ERI2: variants seen among roughly 807,000 people sequenced by gnomAD.
ERI2 encodes the protein ERI1 exoribonuclease 2.
A neutral mutation model predicts 46.8 loss-of-function variants in ERI2; 35 were observed. The observed-to-expected ratio is 0.75, with a 90% CI of 0.57 to 0.99. ERI2 has a LOEUF of 0.99. Among genes scored for constraint, ERI2 ranks in the 50% least tolerant of loss-of-function variants. The pLI is 0.00. For missense variants in ERI2, 695 were observed against 796.2 expected (o/e 0.87, Z 1.53); for synonymous variants, 224 against 271.0 (o/e 0.83, Z 1.70).
rs779973608 is a variant in ERI2 at position 20,781,724 on chromosome 16, C to T, written c.895-990G>A. On this transcript the variant is annotated intron_variant, in intron 10 of 10. Coordinates refer to the ERI2 transcript ENST00000300005. ...AAATTGCAGACACTCTCCAAGTACC[C>T]CATCACAGTCTTCTGTTCAGCACCA... The T allele has an allele frequency of 3.7e-6, 6 of 1,613,002 alleles. No homozygotes were observed. In the East Asian group the frequency reaches 1.3e-4, roughly 36 times the overall value.
rs951169710 is a variant in ERI2 at position 20,798,078 on chromosome 16, T to G, written c.1722A>C (p.Pro574=). 33 of 1,551,444 alleles carry G rather than the reference T, an allele frequency of 2.1e-5. No individual in the cohort carries two copies. Among genetic ancestry groups the G allele is most frequent in the Non-Finnish European group, 2.8e-5 (32 of 1,146,914 alleles). ...PVRSSSWRRL[P]SILTSTVNLQ... ...GGTTAACTGTAGAAGTTAATATAGATGGGAGACGCCTCCAGGAAGAACTTC... is the reference window on the plus strand; with the variant it reads ...GGTTAACTGTAGAAGTTAATATAGAGGGGAGACGCCTCCAGGAAGAACTTC... The change falls in exon 9 of 9, where the codon CCA becomes CCC. Residue 574 remains proline, a synonymous_variant. Coordinates refer to ENST00000357967, the MANE Select transcript of ERI2 (RefSeq NM_001142725.2).
rs763112006 is a variant in ERI2, at chr16:20,801,290, G to C, written c.373C>G (p.Gln125Glu). ...GCAAAAATAATGTTCTTCTGTTGCTGAATCTTATGAATCCATTTACAGAAC... is the reference window on the plus strand; with the variant it reads ...GCAAAAATAATGTTCTTCTGTTGCTCAATCTTATGAATCCATTTACAGAAC... ...SQFCKWIHKI[Q>E]QQKNIIFATG... The change falls in exon 5 of 9, where the codon CAG becomes GAG. Residue 125 changes from glutamine (Q) to glutamate (E), a missense_variant. Physicochemically the swap from Gln to Glu is conservative, Grantham distance 29. Transcript: ENST00000357967. 7 of 1,612,472 alleles carry C rather than the reference G, an allele frequency of 4.3e-6. No individual in the cohort carries two copies. The Admixed American group carries it at 1.2e-4, about 27-fold the overall frequency.
At position 20,797,874 on chromosome 16, in the gene ERI2, T is replaced by C. The variant is rs530275571; in HGVS notation, c.1926A>G (p.Thr642=). Reference sequence around the variant, plus strand: ...TGCTGTTGGCTCTTTCCTTTTGAAGTGTTTGTTCCCATTTGAAATAACCAC... The same window carrying C: ...TGCTGTTGGCTCTTTCCTTTTGAAGCGTTTGTTCCCATTTGAAATAACCAC... The part of the protein sequence containing the change: ...KCCGYFKWEQ[T]LQKERANSMV... Residue 642 remains threonine, a synonymous_variant, in exon 9 of 9, where the codon ACA becomes ACG. Transcript: ENST00000357967. 69 of 1,551,632 alleles carry C rather than the reference T, an allele frequency of 4.4e-5. No homozygotes were observed. The East Asian group carries it at 1.6e-3, about 37-fold the overall frequency.
chr16:20,795,199 T>C (rs2080696370), downstream of ERI2, among the ~76,000 whole-genome samples: 1 of 152,214 alleles, frequency 6.6e-6, no homozygotes, highest in Non-Finnish European at 1.5e-5. Context: ...GTTGTTTTTT[T>C]TCTTAGAGAC....
downstream of ERI2, among the ~76,000 whole-genome samples, chr16:20,795,306 C>T (rs1567367100): frequency 6.6e-6 from 1 of 152,208 alleles, no homozygotes; most frequent in Non-Finnish European, 1.5e-5. Flanking sequence ...AGGCGTGACC[C>T]ACTGTGCCTG....
chr16:20,804,493 C>T (rs1006057630), intron 1 of ERI2, among the ~76,000 whole-genome samples: 4 of 151,826 alleles, frequency 2.6e-5, no homozygotes, highest in East Asian at 3.9e-4. Context: ...GGTGAAACCC[C>T]GTCTCTACAA....
chr16:20,797,612 T>G lies in ERI2; in HGVS notation c.*112A>C. On this transcript the variant is annotated 3_prime_UTR_variant, in exon 9 of 9. Transcript: ENST00000357967. ...CTTGTGGTTCCTGAAGAAAGTATGG[T>G]AAATGCAGTAAACATTAATATATAA... 1 of 1,334,474 alleles carries G rather than the reference T, an allele frequency of 7.5e-7. No individual in the cohort carries two copies. Among genetic ancestry groups the G allele is most frequent in the Non-Finnish European group, 9.6e-7 (1 of 1,044,558 alleles). The allele number at this position is 1,334,474 out of a possible 1,614,324, so 82.7% of individuals were successfully genotyped here. A position where few individuals can be genotyped will look rare whatever the true frequency, so the allele number is the denominator to read the frequency against.
Position 20,803,430 on chromosome 16 carries a change from T to C in ERI2, c.175+3A>G, listed in dbSNP as rs751313339. Reference sequence around the variant, plus strand: ...GCTTTGGCCATTCGTAGCCCAGACTTACTTATTTCCTGGCTATGGTGGTGC... The same window carrying C: ...GCTTTGGCCATTCGTAGCCCAGACTCACTTATTTCCTGGCTATGGTGGTGC... On this transcript the variant is annotated splice_donor_region_variant and intron_variant, in intron 3 of 8. Transcript: ENST00000357967. The C allele has an allele frequency of 2.5e-6, 4 of 1,613,228 alleles. No homozygotes were observed. The Admixed American group carries it at 6.7e-5, about 27-fold the overall frequency.
chr16:20,799,639 T>A (rs1259672264), intron 7 of ERI2: 1 of 479,362 alleles, frequency 2.1e-6, no homozygotes, highest in East Asian at 3.5e-5. Context: ...CCAGGATTTG[T>A]GAATAATCTA....
chr16:20,797,635 TAAAATA>T lies in ERI2; in HGVS notation c.*83_*88del. The T allele has an allele frequency of 3.6e-6, 5 of 1,372,238 alleles. No homozygotes were observed. Among genetic ancestry groups the T allele is most frequent in the South Asian group, 2.0e-5 (1 of 48,926 alleles). The allele number at this position is 1,372,238 out of a possible 1,614,324, so 85.0% of individuals were successfully genotyped here. On this transcript the variant is annotated 3_prime_UTR_variant, in exon 9 of 9. Coordinates refer to ENST00000357967, the MANE Select transcript of ERI2 (RefSeq NM_001142725.2). The stretch of plus-strand genomic sequence containing the variant: ...GGTAAATGCAGTAAACATTAATATA[TAAAATA>T]AAAATAAAATAGTGTAAGATGTTAT...
chr16:20,780,844 T>A, intron 10 of ERI2: 4 of 1,614,234 alleles, frequency 2.5e-6, no homozygotes, highest in Non-Finnish European at 3.4e-6. Context: ...TTTAGGATTA[T>A]CTGTAAATGG....
chr16:20,793,204 C>G (rs1271456042), downstream of ERI2, among the ~76,000 whole-genome samples: 1 of 152,198 alleles, frequency 6.6e-6, no homozygotes, highest in Non-Finnish European at 1.5e-5. Flanking sequence ...CACAGTGGCT[C>G]ACACCTGTAA....
In ERI2 at chr16:20,797,573, T is replaced by G. The variant is rs1244213670; in HGVS notation, c.*151A>C. The stretch of plus-strand genomic sequence containing the variant: ...TATATGTAATCTAATAAATACTGTT[T>G]ACAAAAGATTACACTTGTGGTTCCT... On this transcript the variant is annotated 3_prime_UTR_variant, in exon 9 of 9. Coordinates refer to ENST00000357967, the MANE Select transcript of ERI2 (RefSeq NM_001142725.2). 7.7e-7 allele frequency: 1 copy of G among 1,292,522 alleles called. No individual in the cohort carries two copies. Among genetic ancestry groups the G allele is most frequent in the African/African-American group, 1.5e-5 (1 of 65,384 alleles). The allele number at this position is 1,292,522 out of a possible 1,614,324, so 80.1% of individuals were successfully genotyped here. A position where few individuals can be genotyped will look rare whatever the true frequency, so the allele number is the denominator to read the frequency against.
chr16:20,790,371 G>A lies in ERI2; in HGVS notation c.815+479C>T, dbSNP rs2080569997. Among the ~76,000 whole-genome samples, 1 of 152,154 alleles carries A rather than the reference G, an allele frequency of 6.6e-6. No individual in the cohort carries two copies. Among genetic ancestry groups the A allele is most frequent in the African/African-American group, 2.4e-5 (1 of 41,442 alleles). ...AAGCTGAGGTGTGAGGACTGTTTGA[G>A]ACCAGAAGTTTGACGCTGCAGTGAG... is the stretch of plus-strand genomic sequence containing the variant. On this transcript the variant is annotated intron_variant, in intron 9 of 10. Coordinates refer to the ERI2 transcript ENST00000300005. The surrounding 1 kb of genome is among the most constrained non-coding windows in gnomAD (Gnocchi z 4.0).
intron 1 of ERI2, chr16:20,805,854 C>A: frequency 1.8e-6 from 1 of 562,084 alleles, no homozygotes; most frequent in Non-Finnish European, 2.3e-6. Flanking sequence ...AAACCGGACA[C>A]AGCAGTAGGG....
At chr16:20,785,155 T>C in intron 10 of ERI2, 2 of 1,606,238 alleles carry the variant, frequency 1.2e-6, no homozygotes, top group South Asian at 1.1e-5. Flanking sequence ...TTTAGTCAGA[T>C]GAATAAAAAC....
Position 20,786,117 on chromosome 16 carries a change from C to A in ERI2, c.894+3362G>T, listed in dbSNP as rs765370178. On this transcript the variant is annotated intron_variant, in intron 10 of 10. Coordinates refer to the ERI2 transcript ENST00000300005. ...AAATTTTAAGGGAATGAAAATTAAA[C>A]CTGGCTCAATGGGAAAACCTTCTCC... 6.2e-7 allele frequency: 1 copy of A among 1,603,114 alleles called. No individual in the cohort carries two copies.
At position 20,799,297 on chromosome 16, in the gene ERI2, C is replaced by T. The variant is rs1214485123; in HGVS notation, c.698G>A (p.Gly233Asp). Residue 233 changes from glycine (G) to aspartate (D), a missense_variant, in exon 8 of 9, where the codon GGT becomes GAT. Transcript: ENST00000357967. The part of the protein sequence containing the change: ...ALLAWKMIRD[G>D]CVMKITRSLN... ...CGACCTTGTAATTTTCATTACACAACCATCTCTGATCATTTTCCAAGCAAG... is the reference window on the plus strand; with the variant it reads ...CGACCTTGTAATTTTCATTACACAATCATCTCTGATCATTTTCCAAGCAAG... 6.2e-7 allele frequency: 1 copy of T among 1,613,780 alleles called. No individual in the cohort carries two copies. Among genetic ancestry groups the T allele is most frequent in the Non-Finnish European group, 8.5e-7 (1 of 1,179,744 alleles).
intron 10 of ERI2, chr16:20,781,661 T>TA (rs765787575): frequency 6.5e-6 from 9 of 1,386,950 alleles, no homozygotes; most frequent in Admixed American, 1.7e-5. Flanking sequence ...TTTAAGCACT[T>TA]ATTTAAGTTG....
Sources: gnomAD v4.1 joint callset for allele counts (sites outside exome capture counted in the v4.1 genomes callset) on GRCh38, gnomAD v4.1.1 for gene constraint, Gnocchi (gnomAD v3.1) non-coding constraint, MANE v1.5 for transcripts, NCBI Gene and HGNC (gene_info 2026-07-23, HGNC 2026-07-21) for gene names.